Variants in MARCHF10 observed in about 807,000 individuals in gnomAD.
MARCHF10 encodes the protein probable E3 ubiquitin-protein ligase MARCHF10.
In MARCHF10, 64 loss-of-function variants were observed where a neutral mutation model predicts 76.2. The ratio of observed to expected loss-of-function variants is 0.84; its 90% CI spans 0.69 to 1.03. The LOEUF (loss-of-function observed/expected upper bound fraction) is 1.03, where lower values mean the gene tolerates loss of function less well. Ranked by LOEUF, MARCHF10 falls within the 50% of genes least tolerant of loss-of-function variation. The pLI, the probability that MARCHF10 is intolerant of heterozygous loss-of-function variation, is 0.00. For synonymous variants in MARCHF10, 340 were observed against 357.5 expected, an observed-to-expected ratio of 0.95 and a Z score of 0.55; for missense variants, 875 against 958.0, an observed-to-expected ratio of 0.91 and a Z score of 1.14.
intron 3 of MARCHF10, among the ~76,000 whole-genome samples, chr17:62,772,721 A>G (rs984515509): frequency 6.6e-6 from 1 of 152,014 alleles, no homozygotes. Context: ...TTACACCTTT[A>G]TTTTCTCCAA....
Position 62,710,127 on chromosome 17 carries a change from T to G in MARCHF10, c.2328+1104A>C, listed in dbSNP as rs370032925. On this transcript the variant is annotated intron_variant, in intron 9 of 10. Coordinates refer to ENST00000311269, the MANE Select transcript of MARCHF10 (RefSeq NM_152598.4). ...TCTGTTGGGTTGTACTGTTTGTCGTTTGTCATGTTTGCTTTGCAAGCCTGG... is the reference window on the plus strand; with the variant it reads ...TCTGTTGGGTTGTACTGTTTGTCGTGTGTCATGTTTGCTTTGCAAGCCTGG... Among the ~76,000 whole-genome samples the G allele has an allele frequency of 1.5e-4, 23 of 152,330 alleles. No individual in the cohort carries two copies. The South Asian group carries it at 3.1e-3, about 21-fold the overall frequency.
intron 3 of MARCHF10, among the ~76,000 whole-genome samples, chr17:62,761,430 CTTTTTTTT>C (rs1312938135): frequency 1.3e-5 from 2 of 151,010 alleles, no homozygotes; most frequent in Admixed American, 6.6e-5. Flanking sequence ...TTCTTTTTTT[CTTTTTTTT>C]GAGACAAAGT....
chr17:62,760,479 T>C (rs2092169091), intron 3 of MARCHF10, among the ~76,000 whole-genome samples: 1 of 152,232 alleles, frequency 6.6e-6, no homozygotes, highest in South Asian at 2.1e-4. Context: ...TTCAATACTC[T>C]GCGTTACTGG....
intron 3 of MARCHF10, among the ~76,000 whole-genome samples, chr17:62,771,569 T>C (rs914918629): frequency 8.8e-5 from 12 of 136,390 alleles, no homozygotes; most frequent in African/African-American, 3.2e-4. Flanking sequence ...TGCTTGTCAA[T>C]ATCTATTTTT....
intron 5 of MARCHF10, among the ~76,000 whole-genome samples, chr17:62,740,345 G>T (rs1278894202): frequency 6.6e-6 from 1 of 152,136 alleles, no homozygotes; most frequent in Non-Finnish European, 1.5e-5. Context: ...GCAACAGAAT[G>T]AAACCAGAAC....
At chr17:62,722,685 T>C in intron 7 of MARCHF10, 88 bp from the exon 8 acceptor site, 1 of 1,054,578 alleles carries the variant, frequency 9.5e-7, no homozygotes, top group South Asian at 1.6e-5. Flanking sequence ...GGGAGTGAAC[T>C]TGTGTGTGTT....
chr17:62,802,150 T>C lies in MARCHF10; in HGVS notation c.-17-398A>G, dbSNP rs141533887. 3.9e-4 allele frequency among the ~76,000 whole-genome samples: 59 copies of C among 152,328 alleles called. No individual in the cohort carries two copies. In the South Asian group the frequency reaches 5.0e-3, roughly 13 times the overall value. On this transcript the variant is annotated intron_variant, in intron 1 of 10. Transcript: ENST00000311269. ...TATGCAACAATGATTGCACCGTTAT[T>C]TCCATCCAGGGACTGTGCTGGACAC...
intron 3 of MARCHF10, among the ~76,000 whole-genome samples, chr17:62,779,650 A>G (rs1447198153): frequency 1.3e-5 from 2 of 152,190 alleles, no homozygotes; most frequent in African/African-American, 2.4e-5. Flanking sequence ...GCATTGTGCT[A>G]TGGATTATGC....
At chr17:62,718,133 C>T (rs1409381537) in intron 8 of MARCHF10, among the ~76,000 whole-genome samples, 2 of 152,262 alleles carry the variant, frequency 1.3e-5, no homozygotes, top group East Asian at 3.9e-4. Context: ...CGAGTCTTTT[C>T]CTACATCCAG....
chr17:62,771,478 C>T (rs1171159110), intron 3 of MARCHF10, among the ~76,000 whole-genome samples: 1 of 151,846 alleles, frequency 6.6e-6, no homozygotes. Flanking sequence ...CTCGCAGGGC[C>T]TCGTTGGTTA....
intron 9 of MARCHF10, among the ~76,000 whole-genome samples, chr17:62,709,583 G>A (rs1216060539): frequency 1.3e-5 from 2 of 152,172 alleles, no homozygotes; most frequent in Non-Finnish European, 2.9e-5. Context: ...TCCAGTTCTG[G>A]TAGATGAAGG....
chr17:62,705,271 T>G, intron 10 of MARCHF10: 1 of 1,409,316 alleles, frequency 7.1e-7, no homozygotes, highest in Non-Finnish European at 9.2e-7. Context: ...AAATCTTATC[T>G]CATGCCGGAA....
At chr17:62,795,257 T>C (rs746595794) in intron 2 of MARCHF10, among the ~76,000 whole-genome samples, 2 of 147,172 alleles carry the variant, frequency 1.4e-5, no homozygotes. Flanking sequence ...TAATAGAGTA[T>C]AGAAAATCAC....
chr17:62,760,834 C>T (rs1409254827), intron 3 of MARCHF10, among the ~76,000 whole-genome samples: 1 of 152,250 alleles, frequency 6.6e-6, no homozygotes, highest in Non-Finnish European at 1.5e-5. Context: ...TTCCCCGACC[C>T]TGGGGGGTCG....
chr17:62,723,910 G>A (rs930059408), intron 7 of MARCHF10, among the ~76,000 whole-genome samples: 1 of 152,074 alleles, frequency 6.6e-6, no homozygotes. Context: ...CATAAAACGG[G>A]CTCCATGGAT....
intron 9 of MARCHF10, among the ~76,000 whole-genome samples, chr17:62,707,172 C>G (rs1357115629): frequency 2.0e-5 from 3 of 152,200 alleles, no homozygotes; most frequent in Non-Finnish European, 2.9e-5. Context: ...TGCCCAAGTT[C>G]TCCTCCCAAA....
chr17:62,701,587 T>C lies in MARCHF10; in HGVS notation c.*116A>G, dbSNP rs1267715454. ...GAGTGGCACGAGGTGAAAATCTAACTGTGAACGCTTTGGTTTCAGTTTCAG... is the reference window on the plus strand; with the variant it reads ...GAGTGGCACGAGGTGAAAATCTAACCGTGAACGCTTTGGTTTCAGTTTCAG... On this transcript the variant is annotated 3_prime_UTR_variant, in exon 11 of 11. Coordinates refer to ENST00000311269, the MANE Select transcript of MARCHF10 (RefSeq NM_152598.4). 8 of 1,593,490 alleles carry C rather than the reference T, an allele frequency of 5.0e-6. No individual in the cohort carries two copies. In the South Asian group the frequency reaches 8.9e-5, roughly 18 times the overall value.
At chr17:62,724,734 C>T (rs1419737487) in intron 7 of MARCHF10, among the ~76,000 whole-genome samples, 1 of 152,132 alleles carries the variant, frequency 6.6e-6, no homozygotes, top group Non-Finnish European at 1.5e-5. Context: ...CAAACCAAAA[C>T]AAAAACAAAC....
At position 62,712,814 on chromosome 17, in the gene MARCHF10, G is replaced by A. The variant is rs1359971744; in HGVS notation, c.2215-1470C>T. ...GGCTGGAGTGCAATGGCGTGATCTC[G>A]GCTCACTGCAACCTCCACCTCCCAG... On this transcript the variant is annotated intron_variant, in intron 8 of 10. Transcript: ENST00000311269. This position sits in a 1 kb window ranked among gnomAD's most constrained non-coding sequence, Gnocchi z 4.2. Among the ~76,000 whole-genome samples, 1 of 152,074 alleles carries A rather than the reference G, an allele frequency of 6.6e-6. No homozygotes were observed. Among genetic ancestry groups the A allele is most frequent in the Non-Finnish European group, 1.5e-5 (1 of 68,016 alleles).
Sources: gnomAD v4.1 joint callset for allele counts (sites outside exome capture counted in the v4.1 genomes callset) on GRCh38, gnomAD v4.1.1 for gene constraint, Gnocchi (gnomAD v3.1) non-coding constraint, MANE v1.5 for transcripts, NCBI Gene and HGNC (gene_info 2026-07-23, HGNC 2026-07-21) for gene names.